The following WDFY3 variants were observed in gnomAD, a reference collection of about 807,000 sequenced individuals.
WDFY3 encodes WD repeat and FYVE domain-containing protein 3.
Under a neutral mutation model 409.6 loss-of-function variants are expected in WDFY3, and 66 were observed. That is an observed-to-expected ratio of 0.16 (90% CI 0.13 to 0.20). The LOEUF (loss-of-function observed/expected upper bound fraction) is 0.20. Among genes scored for constraint, WDFY3 ranks in the 10% least tolerant of loss-of-function variants. WDFY3 has a pLI of 1.00. For missense variants in WDFY3, 3,031 were observed against 4,298.1 expected (o/e 0.71, Z 8.24); for synonymous variants, 1,521 against 1,537.1 (o/e 0.99, Z 0.25).
chr4:84,811,230 C>T (rs967664426), intron 13 of WDFY3, among the ~76,000 whole-genome samples: 53 of 152,258 alleles, frequency 3.5e-4, no homozygotes, highest in African/African-American at 1.3e-3. Flanking sequence ...AACTCCTAGT[C>T]TCAAGTGATC....
intron 3 of WDFY3, among the ~76,000 whole-genome samples, chr4:84,870,116 T>C (rs1761950056): frequency 6.6e-6 from 1 of 152,208 alleles, no homozygotes; most frequent in Non-Finnish European, 1.5e-5. Flanking sequence ...GTCTAGTCCT[T>C]TAACAGATCA....
chr4:84,726,820 T>C (rs1289457147), intron 45 of WDFY3, 41 bp downstream of exon 45: 2 of 1,568,468 alleles, frequency 1.3e-6, no homozygotes, highest in African/African-American at 2.8e-5. Flanking sequence ...AAAACAAAAC[T>C]ACAAGTAGTT....
chr4:84,804,999 AC>A (rs1437424340), intron 15 of WDFY3, among the ~76,000 whole-genome samples: 1 of 152,116 alleles, frequency 6.6e-6, no homozygotes, highest in Non-Finnish European at 1.5e-5. Context: ...AAAATCCAAA[AC>A]TTTTTAAGCA....
intron 1 of WDFY3, among the ~76,000 whole-genome samples, chr4:84,939,241 T>C (rs185427354): frequency 6.6e-6 from 1 of 152,334 alleles, no homozygotes; most frequent in Non-Finnish European, 1.5e-5. Context: ...TTCCTCGTGA[T>C]TAAATTCAGG....
chr4:84,774,332 G>A (rs1019677266), intron 29 of WDFY3, among the ~76,000 whole-genome samples: 2 of 152,142 alleles, frequency 1.3e-5, no homozygotes, highest in Admixed American at 6.5e-5. Context: ...GCCTTAAACC[G>A]CATTTTGCAT....
At chr4:84,711,485 C>T (rs1395121919) in intron 51 of WDFY3, among the ~76,000 whole-genome samples, 1 of 152,140 alleles carries the variant, frequency 6.6e-6, no homozygotes, top group East Asian at 1.9e-4. Flanking sequence ...ATATACAGAG[C>T]TCATGCTTAC....
intron 1 of WDFY3, among the ~76,000 whole-genome samples, chr4:84,945,008 T>C (rs143976505): frequency 2.7e-4 from 41 of 152,250 alleles, no homozygotes; most frequent in African/African-American, 9.6e-4. Context: ...TCAGAATAGC[T>C]ACTTGAATGA....
At chr4:84,757,870 A>T (rs1243495704) in intron 32 of WDFY3, among the ~76,000 whole-genome samples, 2 of 152,200 alleles carry the variant, frequency 1.3e-5, no homozygotes, top group Admixed American at 1.3e-4. Context: ...AACAATCTTT[A>T]CTCACAACAT....
At chr4:84,904,224 G>GCATT (rs552176936) in intron 2 of WDFY3, among the ~76,000 whole-genome samples, 248 of 152,164 alleles carry the variant, frequency 1.6e-3, no homozygotes, top group African/African-American at 2.6e-3. Flanking sequence ...TTTCTGTCAT[G>GCATT]CATTCATTCA....
chr4:84,940,547 A>G (rs1771973769), intron 1 of WDFY3, among the ~76,000 whole-genome samples: 1 of 152,120 alleles, frequency 6.6e-6, no homozygotes, highest in Non-Finnish European at 1.5e-5. Flanking sequence ...TTCTTTTTGT[A>G]AAGTCAAGCA....
Position 84,842,320 on chromosome 4 carries a change from T to TAC in WDFY3, c.305-1059_305-1058dup, listed in dbSNP as rs569722257. Among the ~76,000 whole-genome samples the TAC allele has an allele frequency of 2.4e-4, 36 of 151,772 alleles. No homozygotes were observed. The East Asian group carries it at 7.0e-3, about 30-fold the overall frequency. ...GGAGAAACCCCATCTCTACTAAAAA[T>TAC]ACAAAAATCAGGCAGGTGTGGTGTC... is the stretch of plus-strand genomic sequence containing the variant. On this transcript the variant is annotated intron_variant, in intron 5 of 67. Coordinates refer to ENST00000295888, the MANE Select transcript of WDFY3 (RefSeq NM_014991.6).
intron 5 of WDFY3, among the ~76,000 whole-genome samples, chr4:84,848,311 G>T (rs1003879962): frequency 6.6e-6 from 1 of 151,558 alleles, no homozygotes; most frequent in African/African-American, 2.4e-5. Context: ...CGTAGCTTTC[G>T]ATTTCTCAAT....
At chr4:84,830,802 T>G (rs1290825549) in intron 8 of WDFY3, among the ~76,000 whole-genome samples, 1 of 152,114 alleles carries the variant, frequency 6.6e-6, no homozygotes, top group African/African-American at 2.4e-5. Context: ...TTTTATTCAG[T>G]AAAAGAAGAG....
chr4:84,812,060 C>T (rs912493892), intron 13 of WDFY3, among the ~76,000 whole-genome samples: 1 of 152,102 alleles, frequency 6.6e-6, no homozygotes, highest in Admixed American at 6.6e-5. Context: ...GGATGCTCAA[C>T]CTGTATTAAT....
chr4:84,847,338 G>A (rs982197096), intron 5 of WDFY3, among the ~76,000 whole-genome samples: 1 of 152,098 alleles, frequency 6.6e-6, no homozygotes, highest in Non-Finnish European at 1.5e-5. Context: ...TCTTATGTAA[G>A]AGCAGATGAT....
At chr4:84,886,078 A>T (rs531525782) in intron 3 of WDFY3, among the ~76,000 whole-genome samples, 1 of 152,340 alleles carries the variant, frequency 6.6e-6, no homozygotes, top group South Asian at 2.1e-4. Context: ...GATGAAATAC[A>T]TTACAATGTA....
At chr4:84,675,866 T>C (rs1578090735) in intron 67 of WDFY3, among the ~76,000 whole-genome samples, 1 of 152,314 alleles carries the variant, frequency 6.6e-6, no homozygotes, top group African/African-American at 2.4e-5. Flanking sequence ...TCTATAGCCA[T>C]GGGACCACTG....
chr4:84,677,961 CAAAAAAAAAA>C (rs986393073), intron 66 of WDFY3, among the ~76,000 whole-genome samples, 197 bp downstream of exon 66: 2 of 21,180 alleles, frequency 9.4e-5, no homozygotes, highest in East Asian at 1.6e-3. Context: ...GACCCTGTCT[CAAAAAAAAAA>C]AAAAAAAAAA....
intron 67 of WDFY3, among the ~76,000 whole-genome samples, chr4:84,675,537 T>C (rs771268186): frequency 1.3e-5 from 2 of 152,146 alleles, no homozygotes; most frequent in Non-Finnish European, 2.9e-5. Flanking sequence ...CATTTACAGA[T>C]AAAGAAACCA....
Sources: allele counts gnomAD v4.1 joint callset (sites outside exome capture counted in the v4.1 genomes callset), GRCh38; gene constraint gnomAD v4.1.1; transcripts MANE v1.5; gene names NCBI Gene and HGNC (gene_info 2026-07-23, HGNC 2026-07-21).